Variants in RABGAP1L observed in about 807,000 individuals in gnomAD.
RABGAP1L encodes RAB GTPase activating protein 1 like, also known as rab GTPase-activating protein 1-like.
Under a neutral mutation model 137.7 loss-of-function variants are expected in RABGAP1L, and 63 were observed. That is an observed-to-expected ratio of 0.46 (90% CI 0.37 to 0.56). The LOEUF (loss-of-function observed/expected upper bound fraction) is 0.56. Among genes scored for constraint, RABGAP1L ranks in the 20% least tolerant of loss-of-function variants. The pLI is 0.00. For missense variants in RABGAP1L, 1,095 were observed against 1,244.0 expected, an observed-to-expected ratio of 0.88 and a Z score of 1.80; for synonymous variants, 431 against 433.7, an observed-to-expected ratio of 0.99 and a Z score of 0.08.
At chr1:174,166,603 G>A (rs1215903882) in intron 1 of RABGAP1L, among the ~76,000 whole-genome samples, 7 of 152,326 alleles carry the variant, frequency 4.6e-5, no homozygotes, top group Non-Finnish European at 8.8e-5. Context: ...GGGGAATTGG[G>A]TAGCTAGAAA....
intron 1 of RABGAP1L, among the ~76,000 whole-genome samples, chr1:174,162,753 C>CTTTTTTTTTT (rs971302832): frequency 2.7e-5 from 1 of 37,184 alleles, no homozygotes; most frequent in Non-Finnish European, 5.9e-5. Flanking sequence ...GCTGGTATTT[C>CTTTTTTTTTT]TTTTTTTTTT....
At chr1:174,697,611 G>A (rs1406573585) in intron 15 of RABGAP1L, among the ~76,000 whole-genome samples, 2 of 152,064 alleles carry the variant, frequency 1.3e-5, no homozygotes, top group African/African-American at 2.4e-5. Flanking sequence ...GAGCCACCGC[G>A]CCCGGCCTGG....
At chr1:174,868,203 C>T (rs1161592596) in intron 19 of RABGAP1L, among the ~76,000 whole-genome samples, 1 of 152,196 alleles carries the variant, frequency 6.6e-6, no homozygotes, top group Non-Finnish European at 1.5e-5. Flanking sequence ...AGGCGATTCA[C>T]CCACCTTAGC....
chr1:174,466,929 G>T (rs572629457), intron 13 of RABGAP1L, among the ~76,000 whole-genome samples: 1 of 152,120 alleles, frequency 6.6e-6, no homozygotes, highest in African/African-American at 2.4e-5. Flanking sequence ...CCTAATAATT[G>T]TATTGGCTTT....
At chr1:174,181,033 T>C (rs1666310154) in intron 1 of RABGAP1L, among the ~76,000 whole-genome samples, 1 of 152,228 alleles carries the variant, frequency 6.6e-6, no homozygotes, top group Admixed American at 6.5e-5. Context: ...ACTTGTCCTA[T>C]ATGATATGGT....
At chr1:174,198,028 G>T (rs545115965) in intron 1 of RABGAP1L, among the ~76,000 whole-genome samples, 61 of 152,132 alleles carry the variant, frequency 4.0e-4, no homozygotes, top group African/African-American at 1.4e-3. Context: ...TCTAAAATGC[G>T]CATATTTAAA....
At chr1:174,591,669 T>C (rs1669639013) in intron 13 of RABGAP1L, among the ~76,000 whole-genome samples, 5 of 60,476 alleles carry the variant, frequency 8.3e-5, no homozygotes, top group African/African-American at 5.0e-4. Context: ...TGTAGATATG[T>C]GGCATTATTT....
At position 174,292,329 on chromosome 1, in the gene RABGAP1L, C is replaced by CTT. The variant is rs61636433; in HGVS notation, c.1324-12630_1324-12629dup. 5.3e-3 allele frequency among the ~76,000 whole-genome samples: 266 copies of CTT among 50,624 alleles called. 3 individuals carry two copies. Among genetic ancestry groups the CTT allele is most frequent in the African/African-American group, 0.014 (176 of 12,406 alleles). 33.2% of individuals were successfully genotyped at this position (50,624 alleles called of 152,430 possible). Reference sequence around the variant, plus strand: ...GTGTGGGCCATTGCACCTACCTAATCTTTTTTTTTTTTTTTTTTTTTTTTT... The same window carrying CTT: ...GTGTGGGCCATTGCACCTACCTAATCTTTTTTTTTTTTTTTTTTTTTTTTTTT... On this transcript the variant is annotated intron_variant, in intron 10 of 25. Coordinates refer to ENST00000681986, the MANE Select transcript of RABGAP1L (RefSeq NM_001366446.1).
chr1:174,448,075 G>A lies in RABGAP1L; in HGVS notation c.1710+53930G>A, dbSNP rs763430882. 5.1e-6 allele frequency: 8 copies of A among 1,572,750 alleles called. No homozygotes were observed. In the South Asian group the frequency reaches 6.0e-5, roughly 12 times the overall value. On this transcript the variant is annotated intron_variant, in intron 13 of 25. Coordinates refer to ENST00000681986, the MANE Select transcript of RABGAP1L (RefSeq NM_001366446.1). The surrounding 1 kb of genome is among the most constrained non-coding windows in gnomAD (Gnocchi z 4.2). ...ATGCTGGGCAGGGCATCTGCTTGCT[G>A]TAGCCAAGTCTGCAGGTGTCTTTAA...
chr1:174,602,831 G>T (rs938483143), intron 13 of RABGAP1L, among the ~76,000 whole-genome samples: 4 of 151,940 alleles, frequency 2.6e-5, no homozygotes, highest in African/African-American at 9.7e-5. Flanking sequence ...TCTCTGATAG[G>T]ATTCTGAATT....
chr1:174,473,524 C>T (rs577745615), intron 13 of RABGAP1L, among the ~76,000 whole-genome samples: 1 of 152,258 alleles, frequency 6.6e-6, no homozygotes, highest in East Asian at 1.9e-4. Flanking sequence ...CTTTCCTGTA[C>T]CACGTGTGGC....
chr1:174,596,701 C>T (rs1669957666), intron 13 of RABGAP1L, among the ~76,000 whole-genome samples: 1 of 152,056 alleles, frequency 6.6e-6, no homozygotes, highest in Non-Finnish European at 1.5e-5. Context: ...TTTGGATGAC[C>T]TTTATTTCTT....
chr1:174,918,869 T>G (rs1274605706), intron 19 of RABGAP1L, among the ~76,000 whole-genome samples: 1 of 152,136 alleles, frequency 6.6e-6, no homozygotes, highest in Non-Finnish European at 1.5e-5. Flanking sequence ...TTTAAAAATT[T>G]GTCTCGTACA....
intron 19 of RABGAP1L, among the ~76,000 whole-genome samples, chr1:174,839,997 T>C (rs185087812): frequency 1.3e-5 from 2 of 152,248 alleles, no homozygotes; most frequent in Non-Finnish European, 2.9e-5. Context: ...CCAGATAATA[T>C]ATGCATAATG....
rs1460651349 is a variant in RABGAP1L at position 174,552,367 on chromosome 1, T to A, written c.1711-85008T>A. On this transcript the variant is annotated intron_variant, in intron 13 of 25. Coordinates refer to ENST00000681986, the MANE Select transcript of RABGAP1L (RefSeq NM_001366446.1). ...AAGGCCCCAGTATGTTGTTTCCCTC[T>A]ATGTGTCCTTGTGCTCTCATCATTT... Among the ~76,000 whole-genome samples the A allele has an allele frequency of 2.6e-5, 4 of 152,090 alleles. No homozygotes were observed. The East Asian group carries it at 7.7e-4, about 29-fold the overall frequency.
chr1:174,513,594 C>T (rs979422612), intron 13 of RABGAP1L, among the ~76,000 whole-genome samples: 4 of 152,170 alleles, frequency 2.6e-5, no homozygotes, highest in African/African-American at 9.7e-5. Flanking sequence ...GCCTAGGCAA[C>T]AGAGCAAGAC....
At chr1:174,709,036 A>G (rs1486723801) in intron 17 of RABGAP1L, among the ~76,000 whole-genome samples, 2 of 152,216 alleles carry the variant, frequency 1.3e-5, no homozygotes. Context: ...TTCCCCTCAC[A>G]GTGTAAACAA....
At chr1:174,527,583 G>T (rs888122168) in intron 13 of RABGAP1L, among the ~76,000 whole-genome samples, 1 of 152,180 alleles carries the variant, frequency 6.6e-6, no homozygotes, top group African/African-American at 2.4e-5. Context: ...AATGTTCCAT[G>T]TGCTGATGAA....
intron 14 of RABGAP1L, among the ~76,000 whole-genome samples, chr1:174,644,478 T>C (rs902605066): frequency 6.6e-6 from 1 of 151,978 alleles, no homozygotes; most frequent in Non-Finnish European, 1.5e-5. Flanking sequence ...ATAGTCACTC[T>C]TTTTAAAAAA....
Sources: gnomAD v4.1 joint callset for allele counts (sites outside exome capture counted in the v4.1 genomes callset) on GRCh38, gnomAD v4.1.1 for gene constraint, Gnocchi (gnomAD v3.1) non-coding constraint, MANE v1.5 for transcripts, NCBI Gene and HGNC (gene_info 2026-07-23, HGNC 2026-07-21) for gene names.